Variants in POMT2 observed in about 807,000 individuals in gnomAD.
POMT2 encodes the protein protein O-mannosyltransferase 2, also known as protein O-mannosyl-transferase 2.
In POMT2, 75 loss-of-function variants were observed where a neutral mutation model predicts 100.0. The observed-to-expected ratio is 0.75, with a 90% CI of 0.62 to 0.91. POMT2 has a LOEUF of 0.91. POMT2 is among the 40% of genes least tolerant of loss of function. POMT2 has a pLI of 0.00. For missense variants in POMT2, 940 were observed against 955.1 expected (o/e 0.98, Z 0.21); for synonymous variants, 378 against 374.1 (o/e 1.01, Z -0.12).
chr14:77,314,895 T>C (rs899894510), intron 1 of POMT2, among the ~76,000 whole-genome samples: 2 of 152,170 alleles, frequency 1.3e-5, no homozygotes, highest in African/African-American at 4.8e-5. Context: ...AAAGTAAATA[T>C]AAATATGACT....
At chr14:77,304,650 A>G (rs747371986) in intron 4 of POMT2, 42 bp downstream of exon 4, 25 of 1,554,186 alleles carry the variant, frequency 1.6e-5, no homozygotes, top group Admixed American at 2.0e-5. Flanking sequence ...ACGGAGTGGC[A>G]GCCCATTTCC....
chr14:77,295,958 GGA>G (rs1890813779), intron 9 of POMT2, among the ~76,000 whole-genome samples: 1 of 152,078 alleles, frequency 6.6e-6, no homozygotes, highest in Non-Finnish European at 1.5e-5. Context: ...CCAGCACCAT[GGA>G]GAGGTGGGAC....
At chr14:77,316,536 A>C (rs569144862) in intron 1 of POMT2, among the ~76,000 whole-genome samples, 22 of 147,472 alleles carry the variant, frequency 1.5e-4, no homozygotes, top group Non-Finnish European at 8.9e-5. Context: ...ACTCCACTCC[A>C]GACTGGGCAA....
chr14:77,296,276 G>A lies in POMT2; in HGVS notation c.1007-3C>T, dbSNP rs1445295502. 9 of 1,588,034 alleles carry A rather than the reference G, an allele frequency of 5.7e-6. No homozygotes were observed. The highest frequency in any genetic ancestry group is 1.1e-5 in the South Asian group (1 of 87,238). ...GATCACAGAGCCGTAGGCCAGGTCT[G>A]GGAGGAAGGGAGACAGCAGAGGGGT... On this transcript the variant is annotated splice_polypyrimidine_tract_variant and splice_region_variant and intron_variant, in intron 8 of 20. Transcript: ENST00000261534.
At position 77,300,835 on chromosome 14, in the gene POMT2, A is replaced by G. The variant is rs557238529; in HGVS notation, c.816+255T>C. 6 of 472,626 alleles carry G rather than the reference A, an allele frequency of 1.3e-5. No individual in the cohort carries two copies. In the East Asian group the frequency reaches 2.7e-4, roughly 21 times the overall value. 29.3% of individuals were successfully genotyped at this position (472,626 alleles called of 1,614,324 possible). A position where few individuals can be genotyped will look rare whatever the true frequency, so the allele number is the denominator to read the frequency against. ...ACTCTATCTCAAAAAAAAAAAAAAG[A>G]CAGACATTATAAAACAAATGCAAAA... On this transcript the variant is annotated intron_variant, in intron 6 of 20. Transcript: ENST00000261534.
chr14:77,299,064 T>G (rs532879837), intron 7 of POMT2, among the ~76,000 whole-genome samples: 28 of 152,346 alleles, frequency 1.8e-4, no homozygotes, highest in Non-Finnish European at 3.7e-4. Flanking sequence ...TGAGATAATG[T>G]GTACAAAATG....
chr14:77,320,080 G>C (rs551037424), intron 1 of POMT2, among the ~76,000 whole-genome samples: 36 of 152,156 alleles, frequency 2.4e-4, no homozygotes, highest in Non-Finnish European at 2.1e-4. Context: ...GCAGACATAG[G>C]AACTCAGGCC....
In POMT2 at chr14:77,302,875, CAGCCATGA is replaced by C; in HGVS notation, c.608_615del (p.Ile203SerfsTer30). On this transcript the variant is annotated frameshift_variant, in exon 5 of 21. Coordinates refer to ENST00000261534, the MANE Select transcript of POMT2 (RefSeq NM_013382.7). LOFTEE classifies it high-confidence loss of function. The stretch of plus-strand genomic sequence containing the variant: ...TTGTACTTGACCATGCTCAGCATGG[CAGCCATGA>C]TGAAGAACATCAGGATGGGGTCAAG... 1 of 1,613,746 alleles carries C rather than the reference CAGCCATGA, an allele frequency of 6.2e-7. No homozygotes were observed. The highest frequency in any genetic ancestry group is 8.5e-7 in the Non-Finnish European group (1 of 1,179,706).
At chr14:77,299,783 G>A in intron 6 of POMT2, 1 of 497,356 alleles carries the variant, frequency 2.0e-6, no homozygotes, top group Non-Finnish European at 3.8e-6. Flanking sequence ...ACCTCTCCAG[G>A]CTCTACACCC....
In POMT2 at chr14:77,291,382, TG is replaced by T; in HGVS notation, c.1117-3del. The T allele has an allele frequency of 3.1e-6, 2 of 646,138 alleles. No homozygotes were observed. Among genetic ancestry groups the T allele is most frequent in the Admixed American group, 5.2e-5 (2 of 38,398 alleles). 40.0% of individuals were successfully genotyped at this position (646,138 alleles called of 1,614,324 possible). The stretch of plus-strand genomic sequence containing the variant: ...GTCCTTGTGCAAATAGGTGGTGACC[TG>T]GGTGGGGGGTGGGGGCGGAGGGAAG... On this transcript the variant is annotated splice_region_variant and splice_polypyrimidine_tract_variant and intron_variant, in intron 9 of 20. Transcript: ENST00000261534.
intron 13 of POMT2, 153 bp downstream of exon 13, chr14:77,285,328 T>C (rs369001424): frequency 2.8e-6 from 3 of 1,057,940 alleles, no homozygotes; most frequent in East Asian, 5.0e-5. Flanking sequence ...CTGTGCTCCA[T>C]AATACACCTG....
intron 2 of POMT2, among the ~76,000 whole-genome samples, chr14:77,311,588 G>A (rs1891436704): frequency 6.6e-6 from 1 of 152,122 alleles, no homozygotes; most frequent in African/African-American, 2.4e-5. Flanking sequence ...GGAATCACAG[G>A]GTATGTAACC....
chr14:77,277,193 C>G lies in POMT2; in HGVS notation c.*183G>C, dbSNP rs891597692. ...TGGTGCTGTGGACGGAGCTGCGGCT[C>G]TCTCCCGGCTCTCTCCAATGCTGGG... On this transcript the variant is annotated 3_prime_UTR_variant, in exon 21 of 21. Transcript: ENST00000261534. 2 of 630,358 alleles carry G rather than the reference C, an allele frequency of 3.2e-6. No homozygotes were observed. Among genetic ancestry groups the G allele is most frequent in the African/African-American group, 1.8e-5 (1 of 55,334 alleles). 39.0% of individuals were successfully genotyped at this position (630,358 alleles called of 1,614,324 possible).
At chr14:77,297,695 T>A (rs1214486796) in intron 8 of POMT2, among the ~76,000 whole-genome samples, 1 of 152,152 alleles carries the variant, frequency 6.6e-6, no homozygotes, top group African/African-American at 2.4e-5. Flanking sequence ...TGCACTCAAG[T>A]CCTTAGTGAC....
At position 77,285,466 on chromosome 14, in the gene POMT2, A is replaced by AC; in HGVS notation, c.1484+14dup. On this transcript the variant is annotated intron_variant, in intron 13 of 20. Transcript: ENST00000261534. ...CAGGACCCTCGATTGGGACAGCAAA[A>AC]CCCTAGAGACTTACCACTTGGGCAG... 1 of 1,613,978 alleles carries AC rather than the reference A, an allele frequency of 6.2e-7. No individual in the cohort carries two copies. Among genetic ancestry groups the AC allele is most frequent in the Non-Finnish European group, 8.5e-7 (1 of 1,179,980 alleles).
intron 6 of POMT2, 188 bp downstream of exon 6, chr14:77,300,902 C>T: frequency 1.1e-6 from 1 of 900,662 alleles, no homozygotes; most frequent in South Asian, 1.5e-5. Context: ...CCCTTGAACC[C>T]TATCCAGTCC....
chr14:77,296,997 T>C (rs77443086), intron 8 of POMT2, among the ~76,000 whole-genome samples: 8,120 of 152,288 alleles, frequency 0.053, 269 homozygotes, highest in South Asian at 0.08. Context: ...CTGACAAGTA[T>C]AGGACAGTGG....
chr14:77,305,527 G>A (rs891046585), intron 3 of POMT2, among the ~76,000 whole-genome samples: 1 of 152,230 alleles, frequency 6.6e-6, no homozygotes, highest in Non-Finnish European at 1.5e-5. Context: ...AAGAACTTGA[G>A]GGTAGGATAT....
chr14:77,295,740 G>T (rs1000450287), intron 9 of POMT2, among the ~76,000 whole-genome samples: 28 of 151,856 alleles, frequency 1.8e-4, no homozygotes, highest in African/African-American at 6.5e-4. Flanking sequence ...ATCTAGTCTG[G>T]TTCCCAGGTC....
Sources: allele counts gnomAD v4.1 joint callset (sites outside exome capture counted in the v4.1 genomes callset), GRCh38; gene constraint gnomAD v4.1.1; transcripts MANE v1.5; gene names NCBI Gene and HGNC (gene_info 2026-07-23, HGNC 2026-07-21).